The following FRAS1 variants were observed in gnomAD, a reference collection of about 807,000 sequenced individuals.
FRAS1 encodes the protein Fraser extracellular matrix complex subunit 1, also known as extracellular matrix organizing protein FRAS1.
Under a neutral mutation model 435.2 loss-of-function variants are expected in FRAS1, and 290 were observed. The observed-to-expected ratio is 0.67, with a 90% CI of 0.61 to 0.73. The LOEUF is 0.73. Among genes scored for constraint, FRAS1 ranks in the 30% least tolerant of loss-of-function variants. The pLI, the probability that FRAS1 is intolerant of heterozygous loss-of-function variation, is 0.00. For synonymous variants in FRAS1, 1,800 were observed against 1,851.0 expected (o/e 0.97, Z 0.71); for missense variants, 4,860 against 5,001.5 (o/e 0.97, Z 0.85).
intron 54 of FRAS1, 67 bp downstream of exon 54, chr4:78,475,673 G>T (rs1384485317): frequency 7.0e-7 from 1 of 1,425,426 alleles, no homozygotes; most frequent in Non-Finnish European, 9.3e-7. Flanking sequence ...AGCAATTGTG[G>T]CACTTTCCTA....
intron 2 of FRAS1, among the ~76,000 whole-genome samples, chr4:78,164,523 C>T (rs1423524377): frequency 6.6e-6 from 1 of 151,756 alleles, no homozygotes; most frequent in Non-Finnish European, 1.5e-5. Context: ...ATATAAAACA[C>T]TAAAATTCTT....
At chr4:78,201,850 G>A (rs1391447603) in intron 2 of FRAS1, among the ~76,000 whole-genome samples, 1 of 152,066 alleles carries the variant, frequency 6.6e-6, no homozygotes, top group Non-Finnish European at 1.5e-5. Context: ...GAGAAAAGGG[G>A]GAAGAAGAAA....
At chr4:78,195,940 C>CT (rs1237214485) in intron 2 of FRAS1, among the ~76,000 whole-genome samples, 1 of 131,884 alleles carries the variant, frequency 7.6e-6, no homozygotes, top group Non-Finnish European at 1.7e-5. Context: ...TGTTGTTATT[C>CT]TTATTACTTT....
chr4:78,476,309 A>G lies in FRAS1; in HGVS notation c.7851+703A>G, dbSNP rs1578346785. ...GTGTCCAGAGAGAAATTTGCAAGTC[A>G]TCTACATACCAGTGGTAATTAAAGG... is the stretch of plus-strand genomic sequence containing the variant. On this transcript the variant is annotated intron_variant, in intron 54 of 73. Coordinates refer to ENST00000512123, the MANE Select transcript of FRAS1 (RefSeq NM_025074.7). Among the ~76,000 whole-genome samples the G allele has an allele frequency of 2.0e-5, 3 of 152,308 alleles. No homozygotes were observed. The East Asian group carries it at 5.8e-4, about 29-fold the overall frequency.
chr4:78,519,288 C>T, intron 66 of FRAS1, 43 bp from the exon 67 acceptor site: 6 of 1,448,742 alleles, frequency 4.1e-6, no homozygotes, highest in East Asian at 5.3e-5. Flanking sequence ...TCTTTTCATC[C>T]CAGGGGAGAA....
At chr4:78,414,485 C>T (rs565552172) in intron 32 of FRAS1, among the ~76,000 whole-genome samples, 1 of 152,128 alleles carries the variant, frequency 6.6e-6, no homozygotes, top group African/African-American at 2.4e-5. Flanking sequence ...TTAGTCTACT[C>T]GTACGTTACT....
chr4:78,487,754 C>G (rs1441002618), intron 58 of FRAS1, among the ~76,000 whole-genome samples: 1 of 152,094 alleles, frequency 6.6e-6, no homozygotes, highest in Non-Finnish European at 1.5e-5. Flanking sequence ...CATTTATTAT[C>G]TCATTAAATT....
intron 2 of FRAS1, among the ~76,000 whole-genome samples, chr4:78,093,948 A>T (rs1741656001): frequency 6.6e-6 from 1 of 152,102 alleles, no homozygotes. Flanking sequence ...ATCACAACTC[A>T]TCAGTTTATG....
At chr4:78,296,148 T>C (rs535698262) in intron 14 of FRAS1, among the ~76,000 whole-genome samples, 1 of 151,702 alleles carries the variant, frequency 6.6e-6, no homozygotes, top group Non-Finnish European at 1.5e-5. Context: ...AATTGCAGTT[T>C]AAAAATATAA....
chr4:78,246,854 C>T (rs1725270863), intron 4 of FRAS1, among the ~76,000 whole-genome samples: 1 of 152,142 alleles, frequency 6.6e-6, no homozygotes, highest in African/African-American at 2.4e-5. Context: ...TATGCTCTCT[C>T]ATGTCATGTG....
chr4:78,075,304 G>A (rs1302751289), intron 2 of FRAS1, among the ~76,000 whole-genome samples: 3 of 152,140 alleles, frequency 2.0e-5, no homozygotes, highest in Non-Finnish European at 4.4e-5. Context: ...GAAGTTGATA[G>A]GGGAGAAAGA....
At chr4:78,315,794 T>G in intron 16 of FRAS1, 60 bp downstream of exon 16, 3 of 1,586,088 alleles carry the variant, frequency 1.9e-6, no homozygotes, top group Non-Finnish European at 2.6e-6. Context: ...TTGACTATAC[T>G]TGGTGTTATA....
chr4:78,274,758 TGTG>T (rs1238103313), intron 9 of FRAS1, among the ~76,000 whole-genome samples: 2 of 152,158 alleles, frequency 1.3e-5, no homozygotes, highest in Non-Finnish European at 2.9e-5. Context: ...TTGGAATAGG[TGTG>T]GTGTGGTGCT....
At chr4:78,126,834 G>T (rs542195688) in intron 2 of FRAS1, among the ~76,000 whole-genome samples, 1 of 152,264 alleles carries the variant, frequency 6.6e-6, no homozygotes, top group South Asian at 2.1e-4. Context: ...GTGTATATGT[G>T]TACCTCTAGA....
At chr4:78,534,869 T>C (rs1179527126) in intron 71 of FRAS1, among the ~76,000 whole-genome samples, 1 of 152,196 alleles carries the variant, frequency 6.6e-6, no homozygotes, top group Admixed American at 6.5e-5. Context: ...GTCTGAGTAG[T>C]AAGAATACTG....
Position 78,496,760 on chromosome 4 carries a change from A to G in FRAS1, c.8959-45A>G, listed in dbSNP as rs1303988142. 7 of 1,551,554 alleles carry G rather than the reference A, an allele frequency of 4.5e-6. No homozygotes were observed. In the African/African-American group the frequency reaches 8.3e-5, roughly 18 times the overall value. On this transcript the variant is annotated intron_variant, in intron 59 of 73. Coordinates refer to ENST00000512123, the MANE Select transcript of FRAS1 (RefSeq NM_025074.7). ...TCTAGGAAAACCAAGCAAATCACTG[A>G]TATCTTGCTGAAAATTTTAATCTGT...
chr4:78,465,868 GT>G (rs1719510786), intron 49 of FRAS1, among the ~76,000 whole-genome samples: 2 of 152,200 alleles, frequency 1.3e-5, no homozygotes, highest in South Asian at 4.1e-4. Flanking sequence ...GTATATAAGA[GT>G]TTTGGGTAGA....
chr4:78,363,056 T>C (rs759257870), intron 20 of FRAS1, among the ~76,000 whole-genome samples: 2 of 152,100 alleles, frequency 1.3e-5, no homozygotes, highest in Non-Finnish European at 2.9e-5. Flanking sequence ...ATGGTGAAGG[T>C]GGGGTTTCAC....
At chr4:78,136,219 A>G (rs780847695) in intron 2 of FRAS1, among the ~76,000 whole-genome samples, 5 of 152,186 alleles carry the variant, frequency 3.3e-5, no homozygotes, top group African/African-American at 9.7e-5. Flanking sequence ...CAACATTGTG[A>G]AAAACAGGAC....
Sources: allele counts gnomAD v4.1 joint callset (sites outside exome capture counted in the v4.1 genomes callset), GRCh38; gene constraint gnomAD v4.1.1; transcripts MANE v1.5; gene names NCBI Gene and HGNC (gene_info 2026-07-23, HGNC 2026-07-21).